Variants in MTA3 observed in about 807,000 individuals in gnomAD.
MTA3 encodes the protein metastasis associated 1 family member 3, also known as metastasis-associated protein MTA3.
A neutral mutation model predicts 83.5 loss-of-function variants in MTA3; 34 were observed. The observed-to-expected ratio is 0.41, with a 90% CI of 0.31 to 0.54. MTA3 has a LOEUF of 0.54. Ranked by LOEUF, MTA3 falls within the 20% of genes least tolerant of loss-of-function variation. MTA3 has a pLI of 0.33. For synonymous variants in MTA3, 303 were observed against 252.7 expected (o/e 1.20, Z -1.89); for missense variants, 761 against 726.4 (o/e 1.05, Z -0.55).
chr2:42,731,729 C>T (rs1374849901), intron 16 of MTA3, among the ~76,000 whole-genome samples: 3 of 152,172 alleles, frequency 2.0e-5, no homozygotes, highest in African/African-American at 7.2e-5. Flanking sequence ...ACCAATCATG[C>T]CTTCCCAACA....
chr2:42,501,685 C>T (rs1390274200), intron 2 of MTA3, among the ~76,000 whole-genome samples: 1 of 152,138 alleles, frequency 6.6e-6, no homozygotes, highest in African/African-American at 2.4e-5. Context: ...ATGCTTAAGA[C>T]CTGAATTCCC....
chr2:42,677,467 TG>T (rs778045493), intron 8 of MTA3, among the ~76,000 whole-genome samples: 48 of 152,198 alleles, frequency 3.2e-4, no homozygotes, highest in Non-Finnish European at 4.4e-5. Context: ...CTCAGCCTAC[TG>T]AGTAGCTGGG....
At chr2:42,497,715 T>C (rs1195512195) in intron 2 of MTA3, among the ~76,000 whole-genome samples, 2 of 152,156 alleles carry the variant, frequency 1.3e-5, no homozygotes, top group African/African-American at 4.8e-5. Flanking sequence ...TTCTCCTCCG[T>C]AGAATGAAGA....
chr2:42,573,655 C>T (rs1048788914), intron 2 of MTA3, among the ~76,000 whole-genome samples: 42 of 150,030 alleles, frequency 2.8e-4, no homozygotes, highest in Non-Finnish European at 5.0e-4. Context: ...GGATTACAGG[C>T]GCCCAACACC....
intron 2 of MTA3, among the ~76,000 whole-genome samples, chr2:42,526,218 C>T (rs761645466): frequency 1.3e-5 from 2 of 151,584 alleles, no homozygotes; most frequent in Non-Finnish European, 2.9e-5. Flanking sequence ...TGGTTGTTTG[C>T]CCTGCTGGGT....
At chr2:42,548,207 G>A (rs1251735408) in intron 2 of MTA3, among the ~76,000 whole-genome samples, 1 of 152,186 alleles carries the variant, frequency 6.6e-6, no homozygotes, top group East Asian at 1.9e-4. Flanking sequence ...GCTCATGCCT[G>A]GAATCCCAGC....
chr2:42,673,787 C>T (rs1237016244), intron 8 of MTA3, among the ~76,000 whole-genome samples: 1 of 152,178 alleles, frequency 6.6e-6, no homozygotes, highest in African/African-American at 2.4e-5. Context: ...TTATTGGATG[C>T]AGGTTGCTCC....
chr2:42,626,786 G>A (rs749052809), intron 4 of MTA3, among the ~76,000 whole-genome samples: 3 of 151,936 alleles, frequency 2.0e-5, no homozygotes, highest in Non-Finnish European at 4.4e-5. Flanking sequence ...TGTCGCCCAG[G>A]ATGTAGTATA....
intron 4 of MTA3, among the ~76,000 whole-genome samples, chr2:42,632,875 C>T (rs1686818781): frequency 6.6e-6 from 1 of 151,626 alleles, no homozygotes; most frequent in Non-Finnish European, 1.5e-5. Flanking sequence ...TCTGTTAAAG[C>T]AGTATTAGTA....
chr2:42,679,306 T>C (rs1007314191), intron 8 of MTA3, among the ~76,000 whole-genome samples: 2 of 152,238 alleles, frequency 1.3e-5, no homozygotes, highest in African/African-American at 4.8e-5. Flanking sequence ...CCAGATTTTA[T>C]ATTGCCTTTG....
At chr2:42,562,587 C>T (rs1050263426) in intron 2 of MTA3, among the ~76,000 whole-genome samples, 7 of 152,194 alleles carry the variant, frequency 4.6e-5, no homozygotes, top group African/African-American at 1.4e-4. Flanking sequence ...GCTTATGTGG[C>T]TCTGCCCACA....
intron 4 of MTA3, among the ~76,000 whole-genome samples, chr2:42,627,912 C>T (rs969405508): frequency 2.6e-5 from 4 of 150,978 alleles, no homozygotes; most frequent in Non-Finnish European, 4.4e-5. Flanking sequence ...TGAGACAGAG[C>T]CTCACTCTGT....
chr2:42,730,028 G>T (rs578213139), intron 16 of MTA3, among the ~76,000 whole-genome samples: 1 of 152,044 alleles, frequency 6.6e-6, no homozygotes, highest in African/African-American at 2.4e-5. Flanking sequence ...AGATTGTTTA[G>T]TGTTGTCATA....
intron 2 of MTA3, among the ~76,000 whole-genome samples, chr2:42,530,902 T>C (rs1229081006): frequency 6.6e-6 from 1 of 151,948 alleles, no homozygotes; most frequent in Non-Finnish European, 1.5e-5. Context: ...CAATCTCAGC[T>C]CACTACAACC....
At chr2:42,607,823 C>G (rs1166802785) in intron 3 of MTA3, among the ~76,000 whole-genome samples, 1 of 152,076 alleles carries the variant, frequency 6.6e-6, no homozygotes, top group Non-Finnish European at 1.5e-5. Context: ...TGGTGGCACA[C>G]GCCTGTAATC....
chr2:42,505,686 T>A (rs1674597082), intron 2 of MTA3, among the ~76,000 whole-genome samples: 1 of 152,066 alleles, frequency 6.6e-6, no homozygotes, highest in South Asian at 2.1e-4. Flanking sequence ...GATCATATAA[T>A]GTCTGATATG....
intron 3 of MTA3, among the ~76,000 whole-genome samples, chr2:42,598,447 G>T (rs1288522132): frequency 6.6e-6 from 1 of 152,058 alleles, no homozygotes; most frequent in African/African-American, 2.4e-5. Flanking sequence ...TTTTCATTTA[G>T]CATTCCAAAT....
rs989843400 is a variant in MTA3, at chr2:42,523,367, T to G, written c.-141+28113T>G. The stretch of plus-strand genomic sequence containing the variant: ...CTCATGATTGGCAAGAGAGCGGCAG[T>G]GAGACCAGGCCCTTAATTGAACGGC... On this transcript the variant is annotated intron_variant, in intron 2 of 17. Transcript: ENST00000405592. Among the ~76,000 whole-genome samples, 4 of 152,158 alleles carry G rather than the reference T, an allele frequency of 2.6e-5. No homozygotes were observed. In the East Asian group the frequency reaches 7.7e-4, roughly 29 times the overall value.
At chr2:42,588,246 TA>T in intron 3 of MTA3, among the ~76,000 whole-genome samples, 1 of 152,340 alleles carries the variant, frequency 6.6e-6, no homozygotes, top group Admixed American at 6.5e-5. Flanking sequence ...ATGTAGATTC[TA>T]ACAAAATTTT....
Sources: gnomAD v4.1 joint callset for allele counts (sites outside exome capture counted in the v4.1 genomes callset) on GRCh38, gnomAD v4.1.1 for gene constraint, MANE v1.5 for transcripts, NCBI Gene and HGNC (gene_info 2026-07-23, HGNC 2026-07-21) for gene names.